TFAM: variants seen among roughly 807,000 people sequenced by gnomAD.
TFAM encodes the protein transcription factor A, mitochondrial.
In TFAM, 13 loss-of-function variants were observed where a neutral mutation model predicts 30.6. That is an observed-to-expected ratio of 0.42 (90% CI 0.28 to 0.67). TFAM has a LOEUF of 0.67. TFAM is among the 30% of genes least tolerant of loss of function. TFAM has a pLI of 0.21. For synonymous variants in TFAM, 106 were observed against 94.8 expected (o/e 1.12, Z -0.69); for missense variants, 231 against 293.7 (o/e 0.79, Z 1.56).
At chr10:58,388,289 A>G in intron 3 of TFAM, 29 bp downstream of exon 3, 2 of 1,591,432 alleles carry the variant, frequency 1.3e-6, no homozygotes, top group Non-Finnish European at 1.7e-6. Context: ...AACATTGCTG[A>G]CCAGTTATTC....
Position 58,388,175 on chromosome 10 carries a change from TA to T in TFAM, c.221-14del. The T allele has an allele frequency of 6.2e-7, 1 of 1,611,232 alleles. No individual in the cohort carries two copies. ...AAAATTGTGGCATCTTTTTTCTTTTTATTTCATTCCATAGATGCAAAAACTA... is the reference window on the plus strand; with the variant it reads ...AAAATTGTGGCATCTTTTTTCTTTTTTTTCATTCCATAGATGCAAAAACTA... On this transcript the variant is annotated splice_polypyrimidine_tract_variant and intron_variant, in intron 2 of 6. Transcript: ENST00000487519.
At position 58,396,769 on chromosome 10, in the gene TFAM, T is replaced by G. The variant is rs546578072; in HGVS notation, c.*1695T>G. 6.6e-6 allele frequency: 1 copy of G among 152,228 alleles called. No homozygotes were observed. Among genetic ancestry groups the G allele is most frequent in the Non-Finnish European group, 1.5e-5 (1 of 68,046 alleles). The allele number at this position is 152,228 out of a possible 1,614,324, so 9.4% of individuals were successfully genotyped here. On this transcript the variant is annotated 3_prime_UTR_variant, in exon 7 of 7. Transcript: ENST00000487519. ...ATCTCCAGAAAGACTTTGAAGACTTTGATGTCACAAAAAGATGACTTGTTA... is the reference window on the plus strand; with the variant it reads ...ATCTCCAGAAAGACTTTGAAGACTTGGATGTCACAAAAAGATGACTTGTTA...
chr10:58,385,457 C>A lies in TFAM; in HGVS notation c.-91C>A, dbSNP rs138971800. The stretch of plus-strand genomic sequence containing the variant: ...CATGATAACACACGCCGGAGGGTCG[C>A]ACGCGGGTTCCAGTTGTGATTGCTG... On this transcript the variant is annotated 5_prime_UTR_variant, in exon 1 of 7. Coordinates refer to ENST00000487519, the MANE Select transcript of TFAM (RefSeq NM_003201.3). 159 of 968,654 alleles carry A rather than the reference C, an allele frequency of 1.6e-4. No homozygotes were observed. The highest frequency in any genetic ancestry group is 1.4e-3 in the African/African-American group (89 of 62,226). The allele number at this position is 968,654 out of a possible 1,614,324, so 60.0% of individuals were successfully genotyped here.
At position 58,390,826 on chromosome 10, in the gene TFAM, A is replaced by T. The variant is rs1320554612; in HGVS notation, c.503A>T (p.Glu168Val). The T allele has an allele frequency of 6.2e-7, 1 of 1,613,322 alleles. No individual in the cohort carries two copies. Among genetic ancestry groups the T allele is most frequent in the Non-Finnish European group, 8.5e-7 (1 of 1,179,746 alleles). Residue 168 changes from glutamate to valine, a missense_variant, in exon 5 of 7, where the codon GAA (glutamate) becomes GTA (valine). Physicochemically the swap from Glu to Val is moderately radical, Grantham distance 121. Transcript: ENST00000487519. ...TCAGCTTATAACGTTTATGTAGCTG[A>T]AAGATTCCAAGAAGCTAAGGGTGAT... The part of the protein sequence containing the change: ...PRSAYNVYVA[E>V]RFQEAKGDSP...
At chr10:58,391,047 C>A (rs1036402616) in intron 5 of TFAM, among the ~76,000 whole-genome samples, 187 bp downstream of exon 5, 1 of 151,902 alleles carries the variant, frequency 6.6e-6, no homozygotes, top group African/African-American at 2.4e-5. Flanking sequence ...TAGTTGCCAA[C>A]ACATACATAC....
chr10:58,392,712 TTATACAGGCTGGAGTGCGGTGGCAC>T (rs375577744), intron 5 of TFAM, among the ~76,000 whole-genome samples: 192 of 152,044 alleles, frequency 1.3e-3, no homozygotes, highest in African/African-American at 4.4e-3. Flanking sequence ...AGGCAGCCTG[TTATACAGGCTGGAGTGCGGTGGCAC>T]TATCTCAGCT....
chr10:58,386,523 G>A, intron 2 of TFAM, 185 bp downstream of exon 2: 1 of 734,182 alleles, frequency 1.4e-6, no homozygotes, highest in Non-Finnish European at 2.2e-6. Flanking sequence ...ATGAGAACTA[G>A]TAAATGGTAT....
chr10:58,394,887 A>G (rs1198362490), intron 6 of TFAM, 41 bp from the exon 7 acceptor site: 42 of 1,573,046 alleles, frequency 2.7e-5, no homozygotes, highest in Non-Finnish European at 3.2e-5. Context: ...TTTTATCTCA[A>G]AAAATAAGTA....
rs762718172 is a variant in TFAM at position 58,388,193 on chromosome 10, C to G, written c.224C>G (p.Ala75Gly). 7 of 1,613,270 alleles carry G rather than the reference C, an allele frequency of 4.3e-6. No homozygotes were observed. Among genetic ancestry groups the G allele is most frequent in the South Asian group, 2.2e-5 (2 of 91,036 alleles). ...LPIFKAQNPD[A>G]KTTELIRRIA... ...TTCTTTTTATTTCATTCCATAGATGCAAAAACTACAGAACTAATTAGAAGA... is the reference window on the plus strand; with the variant it reads ...TTCTTTTTATTTCATTCCATAGATGGAAAAACTACAGAACTAATTAGAAGA... The change falls in exon 3 of 7, where the codon GCA becomes GGA. Residue 75 changes from alanine to glycine, a missense_variant. By Grantham distance (60) the Ala-to-Gly change is moderately conservative. Transcript: ENST00000487519.
rs1840712422 is a variant in TFAM at position 58,397,766 on chromosome 10, T to TGC, written c.*2693_*2694insCG. 6.6e-6 allele frequency: 1 copy of TGC among 152,026 alleles called. No homozygotes were observed. Among genetic ancestry groups the TGC allele is most frequent in the Admixed American group, 6.6e-5 (1 of 15,240 alleles). 9.4% of individuals were successfully genotyped at this position (152,026 alleles called of 1,614,324 possible). Reference sequence around the variant, plus strand: ...AGTCTTATTTGTGTGTGTGTGTGTGTGTGTGTGCACGTGTGTGTGTTAGAG... The same window carrying TGC: ...AGTCTTATTTGTGTGTGTGTGTGTGTGCGTGTGTGCACGTGTGTGTGTTAGAG... On this transcript the variant is annotated 3_prime_UTR_variant, in exon 7 of 7. Transcript: ENST00000487519.
chr10:58,389,581 C>T (rs573147895), intron 4 of TFAM, among the ~76,000 whole-genome samples: 19 of 152,300 alleles, frequency 1.2e-4, no homozygotes, highest in African/African-American at 4.6e-4. Flanking sequence ...GCTGTCCTAG[C>T]ACTAGGGTTG....
rs1589014741 is a variant in TFAM at position 58,394,346 on chromosome 10, ATTG to A, written c.538-9_538-7del. ...CATATCTACCTTAACTTAAACATAT[ATTG>A]TTTTACAGGAAAAGCTGAAGACTGT... On this transcript the variant is annotated splice_polypyrimidine_tract_variant and intron_variant, in intron 5 of 6. Transcript: ENST00000487519. 1 of 1,606,212 alleles carries A rather than the reference ATTG, an allele frequency of 6.2e-7. No individual in the cohort carries two copies. Among genetic ancestry groups the A allele is most frequent in the East Asian group, 2.2e-5 (1 of 44,764 alleles).
chr10:58,386,249 C>T lies in TFAM; in HGVS notation c.131C>T (p.Ser44Phe), dbSNP rs1840488100. ...GTGTATTTACCGAGGTGGTTTTCATCTGTCTTGGCAAGTTGTCCAAAGAAA... is the reference window on the plus strand; with the variant it reads ...GTGTATTTACCGAGGTGGTTTTCATTTGTCTTGGCAAGTTGTCCAAAGAAA... ...SFVYLPRWFS[S>F]VLASCPKKPV... Residue 44 changes from serine (S) to phenylalanine (F), a missense_variant, in exon 2 of 7, where the codon TCT becomes TTT. Physicochemically the swap from Ser to Phe is radical, Grantham distance 155 (BLOSUM62 -2). Transcript: ENST00000487519. 3.1e-6 allele frequency: 5 copies of T among 1,613,520 alleles called. No individual in the cohort carries two copies. The highest frequency in any genetic ancestry group is 4.2e-6 in the Non-Finnish European group (5 of 1,179,746).
In TFAM at chr10:58,399,085, T is replaced by C. The variant is rs1346431905; in HGVS notation, c.*4011T>C. 6.6e-6 allele frequency: 1 copy of C among 152,228 alleles called. No homozygotes were observed. The highest frequency in any genetic ancestry group is 2.4e-5 in the African/African-American group (1 of 41,470). The allele number at this position is 152,228 out of a possible 1,614,324, so 9.4% of individuals were successfully genotyped here. A position where few individuals can be genotyped will look rare whatever the true frequency, so the allele number is the denominator to read the frequency against. On this transcript the variant is annotated 3_prime_UTR_variant, in exon 7 of 7. Coordinates refer to ENST00000487519, the MANE Select transcript of TFAM (RefSeq NM_003201.3). ...TGTTAATTGATTAAATCACTTACTA[T>C]ATTCGATATGAAATATATAAAACAT...
At position 58,397,047 on chromosome 10, in the gene TFAM, T is replaced by C. The variant is rs1840694692; in HGVS notation, c.*1973T>C. On this transcript the variant is annotated 3_prime_UTR_variant, in exon 7 of 7. Transcript: ENST00000487519. ...TCTATCACAGGCTTTCTCAATTAGGTTTGCAGGAGAAAAAGCCCTAAGTCC... is the reference window on the plus strand; with the variant it reads ...TCTATCACAGGCTTTCTCAATTAGGCTTGCAGGAGAAAAAGCCCTAAGTCC... 1 of 151,938 alleles carries C rather than the reference T, an allele frequency of 6.6e-6. No homozygotes were observed. The allele number at this position is 151,938 out of a possible 1,614,324, so 9.4% of individuals were successfully genotyped here.
chr10:58,386,254 T>C lies in TFAM; in HGVS notation c.136T>C (p.Leu46=). Residue 46 remains leucine (L), a synonymous_variant, in exon 2 of 7, where the codon TTG becomes CTG. Coordinates refer to ENST00000487519, the MANE Select transcript of TFAM (RefSeq NM_003201.3). ...VYLPRWFSSV[L]ASCPKKPVSS... ...TTTACCGAGGTGGTTTTCATCTGTC[T>C]TGGCAAGTTGTCCAAAGAAACCTGT... 6.2e-7 allele frequency: 1 copy of C among 1,613,792 alleles called. No individual in the cohort carries two copies. The highest frequency in any genetic ancestry group is 1.3e-5 in the African/African-American group (1 of 75,044).
At chr10:58,386,727 T>C in intron 2 of TFAM, 1 of 1,094,798 alleles carries the variant, frequency 9.1e-7, no homozygotes, top group Non-Finnish European at 1.1e-6. Context: ...GTAAGTTCTG[T>C]AGAACTGTAA....
rs1840660329 is a variant in TFAM, at chr10:58,395,164, A to T, written c.*90A>T. ...GAAGCTATCGTAAAATTAAGAAAGG[A>T]TAAAGTTGGTAAACCTTTTATATTT... On this transcript the variant is annotated 3_prime_UTR_variant, in exon 7 of 7. Coordinates refer to ENST00000487519, the MANE Select transcript of TFAM (RefSeq NM_003201.3). 7.5e-7 allele frequency: 1 copy of T among 1,338,190 alleles called. No individual in the cohort carries two copies. 82.9% of individuals were successfully genotyped at this position (1,338,190 alleles called of 1,614,324 possible).
rs1476434272 is a variant in TFAM at position 58,395,057 on chromosome 10, G to A, written c.724G>A (p.Gly242Ser). 3 of 1,613,410 alleles carry A rather than the reference G, an allele frequency of 1.9e-6. No individual in the cohort carries two copies. The highest frequency in any genetic ancestry group is 1.3e-5 in the African/African-American group (1 of 74,886). Reference sequence around the variant, plus strand: ...CACAATAAAGAAACAACGAAAATATGGTGCTGAGGAGTGTTAAAAGTAGAA... The same window carrying A: ...CACAATAAAGAAACAACGAAAATATAGTGCTGAGGAGTGTTAAAAGTAGAA... ...RRTIKKQRKY[G>S]AEEC The change falls in exon 7 of 7, where the codon GGT becomes AGT. Residue 242 changes from glycine to serine, a missense_variant. Physicochemically the swap from Gly to Ser is moderately conservative, Grantham distance 56. Coordinates refer to ENST00000487519, the MANE Select transcript of TFAM (RefSeq NM_003201.3).
Sources: gnomAD v4.1 joint callset for allele counts (sites outside exome capture counted in the v4.1 genomes callset) on GRCh38, gnomAD v4.1.1 for gene constraint, MANE v1.5 for transcripts, NCBI Gene and HGNC (gene_info 2026-07-23, HGNC 2026-07-21) for gene names.